The following MS4A4E variants were observed in gnomAD, a reference collection of about 807,000 sequenced individuals.
MS4A4E encodes putative membrane-spanning 4-domains subfamily A member 4E.
Under a neutral mutation model 13.3 loss-of-function variants are expected in MS4A4E, and 23 were observed. The observed-to-expected ratio is 1.73, with a 90% confidence interval of 1.25 to 2.45. The LOEUF is 2.45. Ranked by LOEUF, MS4A4E falls within the 30% of genes most tolerant of loss-of-function variation. MS4A4E has a pLI of 0.00. For missense variants in MS4A4E, 144 were observed against 131.2 expected (o/e 1.10, Z -0.48); for synonymous variants, 36 against 45.6 (o/e 0.79, Z 0.85).
intron 3 of MS4A4E, among the ~76,000 whole-genome samples, chr11:60,217,248 A>G (rs1177565806): frequency 1.3e-5 from 2 of 152,098 alleles, no homozygotes; most frequent in Non-Finnish European, 2.9e-5. Context: ...TTATCATGCG[A>G]TTTGCTGACC....
At chr11:60,241,438 G>A (rs1035818144) in intron 1 of MS4A4E, among the ~76,000 whole-genome samples, 1 of 152,294 alleles carries the variant, frequency 6.6e-6, no homozygotes, top group South Asian at 2.1e-4. Context: ...CTCCCTCTGT[G>A]TTTAGTGCCT....
chr11:60,236,893 C>G (rs554934151), intron 1 of MS4A4E, among the ~76,000 whole-genome samples: 1 of 151,986 alleles, frequency 6.6e-6, no homozygotes, highest in Non-Finnish European at 1.5e-5. Context: ...TGCACCACCA[C>G]GCCCGGCTAA....
intron 3 of MS4A4E, among the ~76,000 whole-genome samples, chr11:60,220,926 G>C (rs909547966): frequency 6.6e-6 from 1 of 152,182 alleles, no homozygotes; most frequent in Non-Finnish European, 1.5e-5. Flanking sequence ...ACAGGAGAAG[G>C]CTCTGCAACA....
intron 3 of MS4A4E, among the ~76,000 whole-genome samples, chr11:60,225,909 C>A (rs566438896): frequency 6.6e-6 from 1 of 151,094 alleles, no homozygotes; most frequent in African/African-American, 2.4e-5. Flanking sequence ...AATCAATAAG[C>A]CTTTAGCCAG....
At chr11:60,216,584 T>C (rs2084197066) in intron 3 of MS4A4E, among the ~76,000 whole-genome samples, 1 of 151,208 alleles carries the variant, frequency 6.6e-6, no homozygotes, top group Non-Finnish European at 1.5e-5. Context: ...AAAGCTATTA[T>C]TGACATTGGT....
At chr11:60,239,135 C>A (rs975588115) in intron 1 of MS4A4E, among the ~76,000 whole-genome samples, 2 of 152,160 alleles carry the variant, frequency 1.3e-5, no homozygotes, top group African/African-American at 2.4e-5. Flanking sequence ...TCCTCTTAAG[C>A]AAACGAGTTC....
At chr11:60,233,306 A>C (rs2084437032) in intron 1 of MS4A4E, among the ~76,000 whole-genome samples, 1 of 152,124 alleles carries the variant, frequency 6.6e-6, no homozygotes, top group Non-Finnish European at 1.5e-5. Flanking sequence ...TCTGGAACCA[A>C]AATTTCAACA....
chr11:60,215,343 A>G (rs1286667355), intron 3 of MS4A4E, among the ~76,000 whole-genome samples: 2 of 151,918 alleles, frequency 1.3e-5, no homozygotes, highest in Admixed American at 1.3e-4. Flanking sequence ...ATCATCCATC[A>G]TGTAACATAA....
chr11:60,234,255 G>A (rs1277714444), intron 1 of MS4A4E, among the ~76,000 whole-genome samples: 2 of 152,190 alleles, frequency 1.3e-5, no homozygotes, highest in East Asian at 3.8e-4. Flanking sequence ...TAGACTTGAT[G>A]CTAGAATGGG....
At chr11:60,236,347 A>C (rs1204336810) in intron 1 of MS4A4E, among the ~76,000 whole-genome samples, 1 of 152,178 alleles carries the variant, frequency 6.6e-6, no homozygotes. Flanking sequence ...AGGTTGCTTG[A>C]ATTTTTTATA....
Position 60,200,766 on chromosome 11 carries a change from C to T in MS4A4E, c.*777G>A, listed in dbSNP as rs765109652. On this transcript the variant is annotated 3_prime_UTR_variant, in exon 9 of 9. Coordinates refer to ENST00000651255, the MANE Select transcript of MS4A4E (RefSeq NM_001393391.1). ...TTCCCCCCTTTCTATTCCACAAAACCGCCATTGTCCTCATGGCCCGTTCTC... is the reference window on the plus strand; with the variant it reads ...TTCCCCCCTTTCTATTCCACAAAACTGCCATTGTCCTCATGGCCCGTTCTC... 1.7e-4 allele frequency among the ~76,000 whole-genome samples: 26 copies of T among 152,346 alleles called. No individual in the cohort carries two copies. Among genetic ancestry groups the T allele is most frequent in the Non-Finnish European group, 2.6e-4 (18 of 68,030 alleles).
At position 60,200,282 on chromosome 11, in the gene MS4A4E, A is replaced by G. The variant is rs116641518; in HGVS notation, c.*1261T>C. On this transcript the variant is annotated 3_prime_UTR_variant, in exon 9 of 9. Transcript: ENST00000651255. Reference sequence around the variant, plus strand: ...AATACTGGATAAATACTTTTTATTTATTTATTTATTTATTTATTTAATTTT... The same window carrying G: ...AATACTGGATAAATACTTTTTATTTGTTTATTTATTTATTTATTTAATTTT... 0.011 allele frequency among the ~76,000 whole-genome samples: 1,682 copies of G among 151,940 alleles called. 34 individuals carry two copies. The highest frequency in any genetic ancestry group is 0.039 in the African/African-American group (1,597 of 41,450).
chr11:60,205,149 G>T (rs780481070), intron 7 of MS4A4E, among the ~76,000 whole-genome samples, 191 bp from the exon 8 acceptor site: 1 of 152,058 alleles, frequency 6.6e-6, no homozygotes, highest in African/African-American at 2.4e-5. Context: ...TGAAAATATC[G>T]CTTCCTCAAA....
chr11:60,213,294 G>T, intron 4 of MS4A4E, 162 bp from the exon 5 acceptor site: 1 of 1,535,294 alleles, frequency 6.5e-7, no homozygotes, highest in Non-Finnish European at 8.7e-7. Flanking sequence ...ACACAAATAT[G>T]ATCCCATTAT....
At chr11:60,207,249 T>C (rs1277867636) in intron 6 of MS4A4E, among the ~76,000 whole-genome samples, 1 of 152,104 alleles carries the variant, frequency 6.6e-6, no homozygotes, top group East Asian at 1.9e-4. Context: ...CAGGAAGAGA[T>C]AGAGATTTAG....
chr11:60,238,230 G>C (rs2084508424), intron 1 of MS4A4E, among the ~76,000 whole-genome samples: 1 of 151,762 alleles, frequency 6.6e-6, no homozygotes, highest in Non-Finnish European at 1.5e-5. Context: ...TCTAGTTTTT[G>C]ATGGAAGGGT....
intron 1 of MS4A4E, among the ~76,000 whole-genome samples, chr11:60,236,549 A>G (rs1043678141): frequency 5.3e-5 from 8 of 152,078 alleles, no homozygotes; most frequent in Non-Finnish European, 1.0e-4. Context: ...AAACTATTGT[A>G]AAGGAGATTG....
At chr11:60,206,594 C>A in intron 6 of MS4A4E, 1 of 162,080 alleles carries the variant, frequency 6.2e-6, no homozygotes. Context: ...GAGTTGGATT[C>A]TGGTACTTTC....
chr11:60,237,431 T>G (rs989193732), intron 1 of MS4A4E, among the ~76,000 whole-genome samples: 1 of 152,218 alleles, frequency 6.6e-6, no homozygotes, highest in African/African-American at 2.4e-5. Flanking sequence ...GTCTTTAAAA[T>G]AGAATGATTT....
Sources: allele counts gnomAD v4.1 joint callset (sites outside exome capture counted in the v4.1 genomes callset), GRCh38; gene constraint gnomAD v4.1.1; transcripts MANE v1.5; gene names NCBI Gene and HGNC (gene_info 2026-07-23, HGNC 2026-07-21).